The following TRAF3IP3 variants were observed in gnomAD, a reference collection of about 807,000 sequenced individuals.
TRAF3IP3 encodes TRAF3-interacting JNK-activating modulator.
TRAF3IP3 carries 64 observed loss-of-function variants against 86.5 expected under a neutral mutation model. That is an observed-to-expected ratio of 0.74 (90% CI 0.60 to 0.91). The LOEUF is 0.91. Ranked by LOEUF, TRAF3IP3 falls within the 40% of genes least tolerant of loss-of-function variation. TRAF3IP3 has a pLI of 0.00. For missense variants in TRAF3IP3, 579 were observed against 642.9 expected (o/e 0.90, Z 1.07); for synonymous variants, 220 against 243.9 (o/e 0.90, Z 0.91).
Position 209,779,369 on chromosome 1 carries a change from A to T in TRAF3IP3, c.1307A>T (p.Lys436Met). Residue 436 changes from lysine to methionine, a missense_variant, in exon 14 of 17, where the codon AAG becomes ATG. Lys to Met is a moderately conservative substitution (Grantham distance 95). Transcript: ENST00000367025. ...CAAGAACAGGAGAAACTCTTAACAAAGAAAGGTCAGCAAATTTATTACCAC... is the reference window on the plus strand; with the variant it reads ...CAAGAACAGGAGAAACTCTTAACAATGAAAGGTCAGCAAATTTATTACCAC... ...QLQEQEKLLT[K>M]KDQALPVWSP... The T allele has an allele frequency of 4.3e-6, 7 of 1,613,796 alleles. No individual in the cohort carries two copies. Among genetic ancestry groups the T allele is most frequent in the Non-Finnish European group, 5.1e-6 (6 of 1,179,614 alleles).
chr1:209,779,434 C>G, intron 14 of TRAF3IP3, 60 bp downstream of exon 14: 4 of 1,473,020 alleles, frequency 2.7e-6, no homozygotes, highest in Non-Finnish European at 3.8e-6. Flanking sequence ...TGCCTAGAGG[C>G]AGCGGGATGG....
rs1029296760 is a variant in TRAF3IP3, at chr1:209,759,135, G to T, written c.-59+1G>T. 1.3e-5 allele frequency: 2 copies of T among 152,236 alleles called. No homozygotes were observed. Among genetic ancestry groups the T allele is most frequent in the African/African-American group, 2.4e-5 (1 of 41,454 alleles). The allele number at this position is 152,236 out of a possible 1,614,324, so 9.4% of individuals were successfully genotyped here. A position where few individuals can be genotyped will look rare whatever the true frequency, so the allele number is the denominator to read the frequency against. On this transcript the variant is annotated splice_donor_variant, in intron 2 of 16. Transcript: ENST00000367025. LOFTEE classifies it low-confidence loss of function (5UTR_SPLICE). ...TTGGCACCAACATTAACCCTGACAG[G>T]TTGGTAATCCTAAAGAAATGGAACC...
At position 209,768,987 on chromosome 1, in the gene TRAF3IP3, C is replaced by T. The variant is rs183673705; in HGVS notation, c.703-3961C>T. Reference sequence around the variant, plus strand: ...GAAGTGGCTATGGTAAATTGTCTTCCGTTGCAACACGAATGGAAAAGTAAT... The same window carrying T: ...GAAGTGGCTATGGTAAATTGTCTTCTGTTGCAACACGAATGGAAAAGTAAT... On this transcript the variant is annotated intron_variant, in intron 8 of 16. Coordinates refer to ENST00000367025, the MANE Select transcript of TRAF3IP3 (RefSeq NM_025228.4). Among the ~76,000 whole-genome samples the T allele has an allele frequency of 9.9e-5, 15 of 152,212 alleles. No individual in the cohort carries two copies. In the East Asian group the frequency reaches 2.1e-3, roughly 22 times the overall value.
chr1:209,778,118 A>G lies in TRAF3IP3; in HGVS notation c.1197A>G (p.Leu399=), dbSNP rs778840891. The stretch of plus-strand genomic sequence containing the variant: ...GCATTATTGCATTTTCAGATCAACT[A>G]AAAAGGTCAGAGGCAGAGAAACTCA... ...SLDTQDLQDQ[L]KRSEAEKLTL... is the part of the protein sequence containing the mutation. The change falls in exon 13 of 17, where the codon CTA becomes CTG. Residue 399 remains leucine, a synonymous_variant. Coordinates refer to ENST00000367025, the MANE Select transcript of TRAF3IP3 (RefSeq NM_025228.4). 1.9e-6 allele frequency: 3 copies of G among 1,613,586 alleles called. No homozygotes were observed. Among genetic ancestry groups the G allele is most frequent in the Non-Finnish European group, 2.5e-6 (3 of 1,179,630 alleles).
chr1:209,777,454 G>C lies in TRAF3IP3; in HGVS notation c.1156G>C (p.Asp386His), dbSNP rs2077681280. The change falls in exon 12 of 17, where the codon GAC becomes CAC. Residue 386 changes from aspartate (D) to histidine (H), a missense_variant. By Grantham distance (81) the Asp-to-His change is moderately conservative. Coordinates refer to ENST00000367025, the MANE Select transcript of TRAF3IP3 (RefSeq NM_025228.4). ...GATTGAATGCCTGCAAGGGGACAGA[G>C]ACCTGTGCAGCTTGGATACCCAGGA... The part of the protein sequence containing the change: ...AKIECLQGDR[D>H]LCSLDTQDLQ... 1 of 1,614,102 alleles carries C rather than the reference G, an allele frequency of 6.2e-7. No homozygotes were observed. Among genetic ancestry groups the C allele is most frequent in the Non-Finnish European group, 8.5e-7 (1 of 1,179,996 alleles).
At position 209,763,405 on chromosome 1, in the gene TRAF3IP3, T is replaced by C. The variant is rs756190745; in HGVS notation, c.606+13T>C. ...TGATTACCTCAAAGTAAGTGGCATG[T>C]GACCCCTCCCCTCAGTTCCTCCATC... On this transcript the variant is annotated intron_variant, in intron 7 of 16. Coordinates refer to ENST00000367025, the MANE Select transcript of TRAF3IP3 (RefSeq NM_025228.4). The C allele has an allele frequency of 2.8e-5, 45 of 1,613,836 alleles. No individual in the cohort carries two copies. Among genetic ancestry groups the C allele is most frequent in the African/African-American group, 8.0e-5 (6 of 74,930 alleles).
chr1:209,767,675 G>GA lies in TRAF3IP3; in HGVS notation c.702+4100dup, dbSNP rs373718971. 4.9e-3 allele frequency among the ~76,000 whole-genome samples: 675 copies of GA among 138,032 alleles called. 4 individuals are homozygous for GA. The highest frequency in any genetic ancestry group is 0.013 in the African/African-American group (487 of 37,776). The allele number at this position is 138,032 out of a possible 152,430, so 90.6% of individuals were successfully genotyped here. Reference sequence around the variant, plus strand: ...GGGTAACAGAGCAAGACCCTGTCTTGAAAAAAAAAAAAGAGGGGGGAGGGT... The same window carrying GA: ...GGGTAACAGAGCAAGACCCTGTCTTGAAAAAAAAAAAAAGAGGGGGGAGGGT... On this transcript the variant is annotated intron_variant, in intron 8 of 16. Transcript: ENST00000367025.
At chr1:209,777,108 TA>T (rs2077669511) in intron 11 of TRAF3IP3, 1 of 273,490 alleles carries the variant, frequency 3.7e-6, no homozygotes, top group African/African-American at 2.2e-5. Flanking sequence ...TAAAAATAAA[TA>T]AATAAAAGAC....
chr1:209,774,663 G>C (rs1183190367), intron 9 of TRAF3IP3, among the ~76,000 whole-genome samples: 1 of 152,206 alleles, frequency 6.6e-6, no homozygotes, highest in East Asian at 1.9e-4. Flanking sequence ...GCGTGTAAGA[G>C]GAGCCATGAC....
chr1:209,771,155 G>T (rs2077499787), intron 8 of TRAF3IP3, among the ~76,000 whole-genome samples: 1 of 147,082 alleles, frequency 6.8e-6, no homozygotes, highest in Non-Finnish European at 1.5e-5. Context: ...TGCATGTGAA[G>T]GTTGTGTGCA....
In TRAF3IP3 at chr1:209,779,333, C is replaced by A; in HGVS notation, c.1271C>A (p.Ser424Tyr). 6.2e-7 allele frequency: 1 copy of A among 1,614,136 alleles called. No individual in the cohort carries two copies. The highest frequency in any genetic ancestry group is 1.7e-5 in the Admixed American group (1 of 60,022). Residue 424 changes from serine (S) to tyrosine (Y), a missense_variant, in exon 14 of 17, where the codon TCC becomes TAC. Transcript: ENST00000367025. Reference protein sequence around the residue: ...QQLQGLLQNQSLQLQEQEKLL... With the variant: ...QQLQGLLQNQYLQLQEQEKLL... ...CCAACAGGTTTGCTTCAAAATCAAT[C>A]CTTACAGCTTCAAGAACAGGAGAAA...
At position 209,777,333 on chromosome 1, in the gene TRAF3IP3, C is replaced by T. The variant is rs779617699; in HGVS notation, c.1054-19C>T. 40 of 1,610,122 alleles carry T rather than the reference C, an allele frequency of 2.5e-5. No homozygotes were observed. Among genetic ancestry groups the T allele is most frequent in the South Asian group, 8.8e-5 (8 of 90,784 alleles). ...CAACACTGACCTCCTTCTATATTGG[C>T]CCTTCCTCCTCCTTACAGGGAGCAG... On this transcript the variant is annotated intron_variant, in intron 11 of 16. Transcript: ENST00000367025.
intron 8 of TRAF3IP3, chr1:209,768,142 G>A (rs1012781286): frequency 4.1e-6 from 4 of 985,248 alleles, no homozygotes; most frequent in Non-Finnish European, 3.6e-6. Context: ...TGTGGTATCT[G>A]GGAAAAATAA....
chr1:209,763,485 C>T lies in TRAF3IP3; in HGVS notation c.607-7C>T, dbSNP rs763883521. ...TACCCTCTTGCACTTTGTGCCCGCA[C>T]CCCCAGGAGGCCCTACAAAGGGAGC... is the stretch of plus-strand genomic sequence containing the variant. On this transcript the variant is annotated splice_polypyrimidine_tract_variant and splice_region_variant and intron_variant, in intron 7 of 16. Coordinates refer to ENST00000367025, the MANE Select transcript of TRAF3IP3 (RefSeq NM_025228.4). 8 of 1,613,926 alleles carry T rather than the reference C, an allele frequency of 5.0e-6. No individual in the cohort carries two copies. In the South Asian group the frequency reaches 7.7e-5, roughly 16 times the overall value.
chr1:209,782,198 C>A lies in TRAF3IP3; in HGVS notation c.*50C>A, dbSNP rs372222220. 2 of 1,479,768 alleles carry A rather than the reference C, an allele frequency of 1.4e-6. No individual in the cohort carries two copies. Among genetic ancestry groups the A allele is most frequent in the South Asian group, 1.1e-5 (1 of 88,348 alleles). The allele number at this position is 1,479,768 out of a possible 1,614,324, so 91.7% of individuals were successfully genotyped here. On this transcript the variant is annotated 3_prime_UTR_variant, in exon 17 of 17. Transcript: ENST00000367025. ...TGAAAATCAGAAGCAAGCAACTCAG[C>A]GAAAAACTCAGAAGGTTTGGGTACA...
chr1:209,779,749 A>T lies in TRAF3IP3; in HGVS notation c.1312+375A>T, dbSNP rs1376520459. 1.5e-5 allele frequency: 8 copies of T among 542,842 alleles called. No homozygotes were observed. The Admixed American group carries it at 2.1e-4, about 14-fold the overall frequency. The allele number at this position is 542,842 out of a possible 1,614,324, so 33.6% of individuals were successfully genotyped here. A position where few individuals can be genotyped will look rare whatever the true frequency, so the allele number is the denominator to read the frequency against. On this transcript the variant is annotated intron_variant, in intron 14 of 16. Transcript: ENST00000367025. ...AGCAGTCCAGAGTCAACTCACTGTT[A>T]GCCCTAGAGAGTCTACTGTCCATGT...
chr1:209,762,719 TC>T, intron 4 of TRAF3IP3, 57 bp downstream of exon 4: 3 of 1,215,496 alleles, frequency 2.5e-6, no homozygotes, highest in Non-Finnish European at 3.2e-6. Context: ...GAGACAACTG[TC>T]CCAGCTCACT....
intron 11 of TRAF3IP3, chr1:209,777,122 G>A (rs1192924109): frequency 2.4e-5 from 8 of 339,206 alleles, no homozygotes; most frequent in South Asian, 8.2e-5. Context: ...TAAAAGACGC[G>A]AGTTCCTTGT....
In TRAF3IP3 at chr1:209,756,186, C is replaced by T. The variant is rs576225526; in HGVS notation, c.-283C>T. 2 of 152,386 alleles carry T rather than the reference C, an allele frequency of 1.3e-5. No homozygotes were observed. The highest frequency in any genetic ancestry group is 2.1e-4 in the South Asian group (1 of 4,830). The allele number at this position is 152,386 out of a possible 1,614,324, so 9.4% of individuals were successfully genotyped here. A position where few individuals can be genotyped will look rare whatever the true frequency, so the allele number is the denominator to read the frequency against. On this transcript the variant is annotated 5_prime_UTR_variant, in exon 1 of 17. Transcript: ENST00000367025. ...AAGGGACGTGTTAATGGGGCCCAGA[C>T]CTATGGATTGAAAGCGTGTGCTTTA...
Sources: gnomAD v4.1 joint callset for allele counts (sites outside exome capture counted in the v4.1 genomes callset) on GRCh38, gnomAD v4.1.1 for gene constraint, MANE v1.5 for transcripts, NCBI Gene and HGNC (gene_info 2026-07-23, HGNC 2026-07-21) for gene names.